The following ATP10A variants were observed in gnomAD, a reference collection of about 807,000 sequenced individuals.
ATP10A encodes the protein phospholipid-transporting ATPase VA.
In ATP10A, 111 loss-of-function variants were observed where a neutral mutation model predicts 147.8. That is an observed-to-expected ratio of 0.75 (90% CI 0.64 to 0.88). The LOEUF is 0.88. Ranked by LOEUF, ATP10A falls within the 40% of genes least tolerant of loss-of-function variation. The pLI, the probability that ATP10A is intolerant of heterozygous loss-of-function variation, is 0.00. For synonymous variants in ATP10A, 875 were observed against 841.6 expected (o/e 1.04, Z -0.69); for missense variants, 1,927 against 1,959.0 (o/e 0.98, Z 0.31).
intron 1 of ATP10A, among the ~76,000 whole-genome samples, chr15:25,802,287 A>C (rs1890973991): frequency 6.6e-6 from 1 of 152,334 alleles, no homozygotes; most frequent in African/African-American, 2.4e-5. Flanking sequence ...ACCCAGCTTC[A>C]GTCCTTGCAA....
intron 3 of ATP10A, among the ~76,000 whole-genome samples, chr15:25,732,657 G>A (rs12442195): frequency 0.087 from 12,694 of 146,496 alleles, 1,279 homozygotes; most frequent in African/African-American, 0.21. Context: ...CCGGGTTCAC[G>A]CCATTCTCCT....
intron 3 of ATP10A, 110 bp from the exon 4 acceptor site, chr15:25,727,376 G>A (rs763836311): frequency 9.2e-6 from 9 of 975,196 alleles, no homozygotes; most frequent in South Asian, 2.9e-5. Flanking sequence ...GCTTGGGGCC[G>A]CTGGGATCTG....
chr15:25,681,725 A>G (rs1899420700), intron 17 of ATP10A, among the ~76,000 whole-genome samples: 1 of 152,116 alleles, frequency 6.6e-6, no homozygotes, highest in African/African-American at 2.4e-5. Flanking sequence ...CCTGCACCAA[A>G]AAGACGAGCT....
intron 16 of ATP10A, among the ~76,000 whole-genome samples, chr15:25,686,026 A>G (rs1567299549): frequency 6.6e-6 from 1 of 152,042 alleles, no homozygotes; most frequent in African/African-American, 2.4e-5. Context: ...GGCTGGGAGA[A>G]AGGAGGTATG....
intron 2 of ATP10A, among the ~76,000 whole-genome samples, chr15:25,752,395 G>A (rs1479704018): frequency 1.3e-5 from 2 of 152,166 alleles, no homozygotes; most frequent in African/African-American, 2.4e-5. Context: ...AATAAGCCAG[G>A]CACAGAGACA....
At chr15:25,684,194 C>A (rs980580483) in intron 16 of ATP10A, among the ~76,000 whole-genome samples, 2 of 152,220 alleles carry the variant, frequency 1.3e-5, no homozygotes, top group East Asian at 3.9e-4. Flanking sequence ...CCACCTCTGG[C>A]CCCTGCTCAC....
intron 1 of ATP10A, among the ~76,000 whole-genome samples, chr15:25,830,515 G>A (rs78433501): frequency 0.029 from 4,415 of 152,152 alleles, 82 homozygotes; most frequent in South Asian, 0.058. Flanking sequence ...AGAAAACCAC[G>A]CCACAAGTTC....
chr15:25,770,401 T>C (rs1193489427), intron 2 of ATP10A, among the ~76,000 whole-genome samples: 1 of 152,088 alleles, frequency 6.6e-6, no homozygotes, highest in Non-Finnish European at 1.5e-5. Flanking sequence ...CACCACTCAC[T>C]TGGACCCCAG....
chr15:25,860,548 G>A (rs76901784), intron 1 of ATP10A, among the ~76,000 whole-genome samples: 4,539 of 152,284 alleles, frequency 0.03, 262 homozygotes, highest in African/African-American at 0.1. Context: ...AGGGCATTGC[G>A]CCCACTGTCC....
In ATP10A at chr15:25,799,445, C is replaced by T. The variant is rs535420672; in HGVS notation, c.450-18222G>A. Among the ~76,000 whole-genome samples the T allele has an allele frequency of 2.0e-5, 3 of 152,220 alleles. 1 individual carries two copies. Among genetic ancestry groups the T allele is most frequent in the South Asian group, 4.2e-4 (2 of 4,816 alleles). ...CAAACTCAGGGGTGGGCAGCCCGGC[C>T]CAAGCACCCTAAACTCAGAGATGAA... On this transcript the variant is annotated intron_variant, in intron 1 of 20. Transcript: ENST00000555815.
chr15:25,759,708 G>A (rs1888648645), intron 2 of ATP10A, among the ~76,000 whole-genome samples: 1 of 151,888 alleles, frequency 6.6e-6, no homozygotes, highest in African/African-American at 2.4e-5. Flanking sequence ...TATTCAGGAG[G>A]CTAAGGTGGA....
chr15:25,683,919 T>C (rs1439138703), intron 16 of ATP10A: 1 of 178,998 alleles, frequency 5.6e-6, no homozygotes, highest in African/African-American at 2.4e-5. Flanking sequence ...AGCCTACCTG[T>C]GGCTATATCT....
chr15:25,828,667 G>A lies in ATP10A; in HGVS notation c.449+33981C>T, dbSNP rs551414803. ...GGCTTAGAGGGAAATTTAACATCCC[G>A]TATTTGTTATCATTTGTATTGCTTT... On this transcript the variant is annotated intron_variant, in intron 1 of 20. Coordinates refer to ENST00000555815, the MANE Select transcript of ATP10A (RefSeq NM_024490.4). 7.7e-4 allele frequency among the ~76,000 whole-genome samples: 117 copies of A among 152,296 alleles called. 1 individual carries two copies. The highest frequency in any genetic ancestry group is 2.6e-3 in the African/African-American group (106 of 41,558).
chr15:25,831,229 C>T lies in ATP10A; in HGVS notation c.449+31419G>A, dbSNP rs183474743. Reference sequence around the variant, plus strand: ...AAAGCTGTGTGTGGCTCGGGGGCCTCGGGGGCTCCACCCCGTATGAGATTC... The same window carrying T: ...AAAGCTGTGTGTGGCTCGGGGGCCTTGGGGGCTCCACCCCGTATGAGATTC... On this transcript the variant is annotated intron_variant, in intron 1 of 20. Transcript: ENST00000555815. 3.0e-3 allele frequency among the ~76,000 whole-genome samples: 456 copies of T among 152,170 alleles called. 3 individuals carry two copies. Among genetic ancestry groups the T allele is most frequent in the African/African-American group, 0.011 (442 of 41,472 alleles).
intron 12 of ATP10A, among the ~76,000 whole-genome samples, chr15:25,705,998 G>A (rs1596720755): frequency 6.6e-6 from 1 of 152,146 alleles, no homozygotes; most frequent in East Asian, 1.9e-4. Context: ...GGGATGTGGT[G>A]GAATCAGTTT....
intron 10 of ATP10A, among the ~76,000 whole-genome samples, chr15:25,712,144 C>T (rs548677808): frequency 6.6e-6 from 1 of 152,296 alleles, no homozygotes; most frequent in Admixed American, 6.5e-5. Context: ...TGAAAGGCAT[C>T]CAGTTTTCTG....
chr15:25,770,212 TGGGGA>T (rs1352857216), intron 2 of ATP10A, among the ~76,000 whole-genome samples: 1 of 149,692 alleles, frequency 6.7e-6, no homozygotes, highest in Admixed American at 6.6e-5. Flanking sequence ...CCGGGCGAGG[TGGGGA>T]GGGGCCCCAC....
At chr15:25,743,324 A>G (rs755011363) in intron 2 of ATP10A, among the ~76,000 whole-genome samples, 70 of 152,236 alleles carry the variant, frequency 4.6e-4, no homozygotes, top group Admixed American at 1.6e-3. Context: ...CAGTCATCAG[A>G]TTCAAAAGAA....
intron 1 of ATP10A, among the ~76,000 whole-genome samples, chr15:25,784,619 C>G (rs948856441): frequency 6.6e-6 from 1 of 152,088 alleles, no homozygotes; most frequent in Non-Finnish European, 1.5e-5. Flanking sequence ...GCAGAAAGGA[C>G]GCTGGCTTCT....
Sources: gnomAD v4.1 joint callset for allele counts (sites outside exome capture counted in the v4.1 genomes callset) on GRCh38, gnomAD v4.1.1 for gene constraint, MANE v1.5 for transcripts, NCBI Gene and HGNC (gene_info 2026-07-23, HGNC 2026-07-21) for gene names.